The following MYOF variants were observed in gnomAD, a reference collection of about 807,000 sequenced individuals.
MYOF encodes fer-1-like 3, myoferlin.
MYOF carries 244 observed loss-of-function variants against 284.2 expected under a neutral mutation model. The observed-to-expected ratio is 0.86, with a 90% CI of 0.77 to 0.95. The LOEUF is 0.95. MYOF is among the 40% of genes least tolerant of loss of function. The pLI, the probability that MYOF is intolerant of heterozygous loss-of-function variation, is 0.00. For synonymous variants in MYOF, 904 were observed against 919.7 expected (o/e 0.98, Z 0.31); for missense variants, 2,496 against 2,560.6 (o/e 0.97, Z 0.54).
chr10:93,456,354 A>T (rs1254573019), intron 2 of MYOF, among the ~76,000 whole-genome samples: 1 of 152,188 alleles, frequency 6.6e-6, no homozygotes. Flanking sequence ...ACCCAAGTTA[A>T]TTTTTTAAAG....
intron 5 of MYOF, among the ~76,000 whole-genome samples, chr10:93,416,822 T>G (rs1035276394): frequency 6.6e-5 from 10 of 152,136 alleles, no homozygotes; most frequent in African/African-American, 2.4e-4. Flanking sequence ...GGTCTTGAAC[T>G]CCTGACCTCA....
intron 1 of MYOF, among the ~76,000 whole-genome samples, chr10:93,479,805 G>A (rs1168291369): frequency 2.6e-5 from 4 of 152,080 alleles, no homozygotes; most frequent in Non-Finnish European, 4.4e-5. Flanking sequence ...TTTACCACTC[G>A]ATTTGTATGA....
chr10:93,409,687 C>G lies in MYOF; in HGVS notation c.486G>C (p.Arg162Ser). Residue 162 changes from arginine to serine, a missense_variant, in exon 6 of 54, where the codon AGG (arginine) becomes AGC (serine). Around this residue, in one of 3 missense-constraint regions of MYOF, gnomAD observed 2,436 missense variants for 2,480.7 expected, o/e 0.98. Coordinates refer to ENST00000359263, the MANE Select transcript of MYOF (RefSeq NM_013451.4). ...CAACTGGCCCCTTGGGCCCAGGGCC[C>G]CTGACTGCATTGTCCAACCTGTCTT... ...GDEDRLDNAV[R>S]GPGPKGPVGT... 1 of 1,614,208 alleles carries G rather than the reference C, an allele frequency of 6.2e-7. No individual in the cohort carries two copies. The highest frequency in any genetic ancestry group is 8.5e-7 in the Non-Finnish European group (1 of 1,180,040).
intron 3 of MYOF, among the ~76,000 whole-genome samples, chr10:93,444,166 A>G (rs1053507435): frequency 2.0e-5 from 3 of 152,240 alleles, no homozygotes; most frequent in South Asian, 2.1e-4. Context: ...GCCCATTACC[A>G]GTGAGCTGAC....
chr10:93,325,997 G>T (rs1454043202), intron 45 of MYOF, 32 bp from the exon 46 acceptor site: 4 of 1,613,448 alleles, frequency 2.5e-6, no homozygotes, highest in Non-Finnish European at 3.4e-6. Context: ...AAGCAGGAAT[G>T]AGTATTTGGG....
chr10:93,384,756 A>C (rs541670806), intron 19 of MYOF, among the ~76,000 whole-genome samples: 4 of 152,212 alleles, frequency 2.6e-5, no homozygotes, highest in Middle Eastern at 6.9e-3. Context: ...CTTGTGGATA[A>C]GGTGGTATAA....
intron 18 of MYOF, among the ~76,000 whole-genome samples, chr10:93,388,690 A>C (rs1257388036): frequency 4.6e-5 from 7 of 152,366 alleles, no homozygotes; most frequent in African/African-American, 1.7e-4. Flanking sequence ...TGATCAGATC[A>C]AGGGTAATAA....
chr10:93,381,365 G>C lies in MYOF; in HGVS notation c.1730C>G (p.Ser577Cys). Residue 577 changes from serine to cysteine, a missense_variant, in exon 20 of 54, where the codon TCT (serine) becomes TGT (cysteine). Physicochemically the swap from Ser to Cys is moderately radical, Grantham distance 112. Transcript: ENST00000359263. ...CATGGTGGCTGAATGAAACACGGCA[G>C]ACAGGCTGTACTTCCGCCTTCGCTG... ...KYQRRRKYSL[S>C]AVFHSATMLQ... The C allele has an allele frequency of 6.2e-7, 1 of 1,614,230 alleles. No individual in the cohort carries two copies. Among genetic ancestry groups the C allele is most frequent in the Non-Finnish European group, 8.5e-7 (1 of 1,180,034 alleles).
In MYOF at chr10:93,402,968, T is replaced by C. The variant is rs1415244231; in HGVS notation, c.844-78A>G. 4 of 1,245,190 alleles carry C rather than the reference T, an allele frequency of 3.2e-6. No homozygotes were observed. The East Asian group carries it at 9.4e-5, about 29-fold the overall frequency. 77.1% of individuals were successfully genotyped at this position (1,245,190 alleles called of 1,614,324 possible). On this transcript the variant is annotated intron_variant, in intron 9 of 53. Coordinates refer to ENST00000359263, the MANE Select transcript of MYOF (RefSeq NM_013451.4). ...TCACTTTAAAGAAGCCATCATTATA[T>C]TTAAATATCATGTCTTGATTACACT...
At chr10:93,315,994 G>A (rs919925909) in intron 50 of MYOF, among the ~76,000 whole-genome samples, 4 of 151,500 alleles carry the variant, frequency 2.6e-5, no homozygotes, top group Admixed American at 6.6e-5. Flanking sequence ...GCCAGGTTTC[G>A]TATGCCTGTA....
chr10:93,453,981 G>A (rs192322348), intron 2 of MYOF, among the ~76,000 whole-genome samples: 5 of 152,026 alleles, frequency 3.3e-5, no homozygotes, highest in Admixed American at 6.6e-5. Flanking sequence ...TCAGGAGTTC[G>A]AGACCAGCCT....
chr10:93,323,371 A>G lies in MYOF; in HGVS notation c.5272-13T>C, dbSNP rs1382810451. On this transcript the variant is annotated splice_polypyrimidine_tract_variant and intron_variant, in intron 46 of 53. Coordinates refer to ENST00000359263, the MANE Select transcript of MYOF (RefSeq NM_013451.4). ...TCTGAAGTTTTCCCTAAACCATTTG[A>G]AAATGAAAAGAGGACTGAAGTTATA... is the stretch of plus-strand genomic sequence containing the variant. 4 of 1,595,224 alleles carry G rather than the reference A, an allele frequency of 2.5e-6. No homozygotes were observed. The African/African-American group carries it at 5.4e-5, about 21-fold the overall frequency.
At chr10:93,468,361 T>C (rs1292786577) in intron 1 of MYOF, among the ~76,000 whole-genome samples, 2 of 152,154 alleles carry the variant, frequency 1.3e-5, no homozygotes, top group Non-Finnish European at 2.9e-5. Flanking sequence ...AAAGCCCACC[T>C]GGTAGAATTG....
At chr10:93,439,663 G>A (rs1771469967) in intron 3 of MYOF, among the ~76,000 whole-genome samples, 1 of 152,210 alleles carries the variant, frequency 6.6e-6, no homozygotes, top group South Asian at 2.1e-4. Context: ...GATAATGACA[G>A]CTCCTACTTA....
chr10:93,447,608 C>G (rs1458878495), intron 3 of MYOF, among the ~76,000 whole-genome samples: 1 of 152,212 alleles, frequency 6.6e-6, no homozygotes, highest in Non-Finnish European at 1.5e-5. Context: ...TAAAACAAAT[C>G]TAGCCCCTTC....
chr10:93,401,810 TGTGTGTGTGTGTGTGTGTGTGA>T (rs1485230416), intron 11 of MYOF, among the ~76,000 whole-genome samples: 9 of 80,480 alleles, frequency 1.1e-4, no homozygotes, highest in East Asian at 4.5e-4. Flanking sequence ...TGTGTGTGTG[TGTGTGTGTGTGTGTGTGTGTGA>T]TCCTGATGTC....
Position 93,355,721 on chromosome 10 carries a change from C to T in MYOF, c.3310G>A (p.Glu1104Lys), listed in dbSNP as rs777087223. Residue 1104 changes from glutamate to lysine, a missense_variant, in exon 31 of 54, where the codon GAA becomes AAA. Physicochemically the swap from Glu to Lys is moderately conservative, Grantham distance 56 (BLOSUM62 1). Around this residue, in one of 3 missense-constraint regions of MYOF, gnomAD observed 2,436 missense variants for 2,480.7 expected, o/e 0.98. Coordinates refer to ENST00000359263, the MANE Select transcript of MYOF (RefSeq NM_013451.4). ...LEGALGADTT[E>K]DGDEKSLEKQ... ...TCCAGGCTCTTCTCATCCCCATCTT[C>T]GGTAGTGTCTGCCCCCTGAAGTCAA... 25 of 1,612,662 alleles carry T rather than the reference C, an allele frequency of 1.6e-5. No homozygotes were observed. The highest frequency in any genetic ancestry group is 4.5e-5 in the East Asian group (2 of 44,900).
rs1843220475 is a variant in MYOF, at chr10:93,329,762, A to G, written c.4884T>C (p.Phe1628=). 1 of 1,614,092 alleles carries G rather than the reference A, an allele frequency of 6.2e-7. No homozygotes were observed. Among genetic ancestry groups the G allele is most frequent in the African/African-American group, 1.3e-5 (1 of 74,926 alleles). The part of the protein sequence containing the change: ...LKISVYDYDT[F]TRDEKVGETI... ...TTTCTCCTACTTTTTCATCCCGGGT[A>G]AAGGTGTCATAATCATAGACAGAAA... The change falls in exon 44 of 54, where the codon TTT becomes TTC. Residue 1628 remains phenylalanine (F), a synonymous_variant. Transcript: ENST00000359263.
At chr10:93,434,440 A>AC (rs1425073124) in intron 3 of MYOF, among the ~76,000 whole-genome samples, 6 of 148,762 alleles carry the variant, frequency 4.0e-5, no homozygotes, top group Non-Finnish European at 8.9e-5. Context: ...CAAAAAAAAA[A>AC]AAAAAAACAA....
Sources: gnomAD v4.1 joint callset for allele counts (sites outside exome capture counted in the v4.1 genomes callset) on GRCh38, gnomAD v4.1.1 for gene constraint, gnomAD v4.1.1 regional missense constraint, MANE v1.5 for transcripts, NCBI Gene and HGNC (gene_info 2026-07-23, HGNC 2026-07-21) for gene names.